BLM: variants seen among roughly 807,000 people sequenced by gnomAD.
The protein encoded by BLM is recQ-like DNA helicase BLM.
A neutral mutation model predicts 135.3 loss-of-function variants in BLM; 95 were observed. The ratio of observed to expected loss-of-function variants is 0.70; its 90% confidence interval spans 0.59 to 0.83. The LOEUF is 0.83. Ranked by LOEUF, BLM falls within the 40% of genes least tolerant of loss-of-function variation. The pLI, the probability that BLM is intolerant of heterozygous loss-of-function variation, is 0.00. For missense variants in BLM, 1,518 were observed against 1,663.9 expected (o/e 0.91, Z 1.53); for synonymous variants, 520 against 589.2 (o/e 0.88, Z 1.70).
chr15:90,808,819 G>A, intron 19 of BLM: 1 of 440,670 alleles, frequency 2.3e-6, no homozygotes, highest in South Asian at 2.1e-5. Flanking sequence ...ACTGGCCATG[G>A]GAACAGTGGG....
intron 15 of BLM, among the ~76,000 whole-genome samples, chr15:90,793,231 G>A (rs1228019917): frequency 1.4e-5 from 2 of 146,318 alleles, no homozygotes; most frequent in South Asian, 4.2e-4. Context: ...CACCTCCTGG[G>A]TTCAAGCGAT....
chr15:90,810,488 C>T (rs540310208), intron 20 of BLM, among the ~76,000 whole-genome samples: 2 of 152,280 alleles, frequency 1.3e-5, no homozygotes, highest in Admixed American at 6.5e-5. Flanking sequence ...GTAGGGTGGC[C>T]TGTAGGACAA....
At chr15:90,798,066 G>C in intron 16 of BLM, 124 bp from the exon 17 acceptor site, 1 of 763,164 alleles carries the variant, frequency 1.3e-6, no homozygotes. Context: ...ATTTCCGTAG[G>C]TTTTGGTCTC....
At chr15:90,718,339 AC>A (rs1444100512) in intron 1 of BLM, among the ~76,000 whole-genome samples, 1 of 152,224 alleles carries the variant, frequency 6.6e-6, no homozygotes, top group Non-Finnish European at 1.5e-5. Flanking sequence ...AGTATGTCCC[AC>A]AACATTAGGC....
rs750687788 is a variant in BLM at position 90,765,392 on chromosome 15, T to C, written c.2171T>C (p.Val724Ala). The C allele has an allele frequency of 5.4e-5, 87 of 1,610,124 alleles. 1 individual carries two copies. The highest frequency in any genetic ancestry group is 6.5e-5 in the Non-Finnish European group (77 of 1,176,592). The change falls in exon 9 of 22, where the codon GTC becomes GCC. Residue 724 changes from valine (V) to alanine (A), a missense_variant. This residue lies in a region of BLM where 626 missense variants were observed against 681.1 expected (regional missense o/e 0.92). Coordinates refer to ENST00000355112, the MANE Select transcript of BLM (RefSeq NM_000057.4). ...TTGAGATCACTTATCGTAGATCAAG[T>C]CCAAAAGCTGACTTCCTTGGATGTA... ...SPLRSLIVDQ[V>A]QKLTSLDIPA...
chr15:90,743,081 G>C (rs183839470), intron 1 of BLM, among the ~76,000 whole-genome samples: 2 of 145,636 alleles, frequency 1.4e-5, no homozygotes, highest in African/African-American at 5.1e-5. Flanking sequence ...CTGCAGCCTC[G>C]AACTCCTGGG....
At chr15:90,786,028 G>A (rs1222100987) in intron 14 of BLM, among the ~76,000 whole-genome samples, 1 of 138,150 alleles carries the variant, frequency 7.2e-6, no homozygotes, top group Non-Finnish European at 1.5e-5. Flanking sequence ...TTTTGAGACA[G>A]GGTCTTACTC....
chr15:90,734,652 TAC>T (rs887111562), intron 1 of BLM, among the ~76,000 whole-genome samples: 18 of 118,170 alleles, frequency 1.5e-4, no homozygotes, highest in African/African-American at 2.2e-4. Flanking sequence ...CACGCACACA[TAC>T]ACACACACGC....
At chr15:90,804,055 C>A in intron 18 of BLM, 112 bp from the exon 19 acceptor site, 1 of 1,027,166 alleles carries the variant, frequency 9.7e-7, no homozygotes, top group Non-Finnish European at 1.5e-6. Flanking sequence ...TCACTATCTG[C>A]ATGACAGAAT....
intron 5 of BLM, among the ~76,000 whole-genome samples, chr15:90,755,917 G>A (rs909856432): frequency 6.6e-6 from 1 of 152,000 alleles, no homozygotes; most frequent in African/African-American, 2.4e-5. Flanking sequence ...ATGCATGTGC[G>A]GGTCATGTGT....
chr15:90,745,546 A>T (rs1376670996), intron 1 of BLM, among the ~76,000 whole-genome samples: 1 of 151,938 alleles, frequency 6.6e-6, no homozygotes, highest in Admixed American at 6.6e-5. Context: ...AGTAGCAGGG[A>T]CCACAGGCCC....
intron 4 of BLM, among the ~76,000 whole-genome samples, chr15:90,753,962 C>T (rs1895752488): frequency 6.6e-6 from 1 of 152,156 alleles, no homozygotes; most frequent in Non-Finnish European, 1.5e-5. Context: ...TAAAAAGTTA[C>T]ACTGTTTTGA....
chr15:90,801,008 G>C (rs948289623), intron 17 of BLM, among the ~76,000 whole-genome samples: 3 of 152,044 alleles, frequency 2.0e-5, no homozygotes, highest in African/African-American at 7.2e-5. Flanking sequence ...AATTAGCCGG[G>C]ACTGATGTTG....
At chr15:90,785,599 A>G (rs921063013) in intron 14 of BLM, among the ~76,000 whole-genome samples, 4 of 149,282 alleles carry the variant, frequency 2.7e-5, no homozygotes, top group African/African-American at 9.9e-5. Context: ...ACTACAGTGC[A>G]GTAGAGAGAT....
intron 14 of BLM, among the ~76,000 whole-genome samples, chr15:90,785,523 T>C (rs1162023847): frequency 1.3e-5 from 2 of 151,376 alleles, no homozygotes; most frequent in Non-Finnish European, 2.9e-5. Flanking sequence ...TCATACAGTA[T>C]GTGGTCTTTG....
intron 1 of BLM, among the ~76,000 whole-genome samples, chr15:90,725,529 T>C (rs1176879064): frequency 2.0e-5 from 3 of 150,650 alleles, no homozygotes; most frequent in African/African-American, 7.3e-5. Context: ...AGTCTCACTC[T>C]GTTGCCCAGG....
chr15:90,804,312 TC>T lies in BLM; in HGVS notation c.3706del (p.His1236IlefsTer43). ...AAATCTCTGGGGAAAGTTTTTGGTG[TC>T]CATTACTTCAATATTTTTAATACCG... Reference protein sequence around the residue: ...VCKSLGKVFGVHYFNIFNTVT... With the variant: ...VCKSLGKVFGXHYFNIFNTVT... On this transcript the variant is annotated frameshift_variant, in exon 19 of 22. Transcript: ENST00000355112. LOFTEE classifies it high-confidence loss of function. The T allele has an allele frequency of 6.2e-7, 1 of 1,614,206 alleles. No individual in the cohort carries two copies. Among genetic ancestry groups the T allele is most frequent in the Non-Finnish European group, 8.5e-7 (1 of 1,180,020 alleles).
rs773198283 is a variant in BLM at position 90,760,168 on chromosome 15, A to C, written c.1109A>C (p.Gln370Pro). The change falls in exon 6 of 22, where the codon CAG (glutamine) becomes CCG (proline). Residue 370 changes from glutamine to proline, a missense_variant. This residue lies in a region of BLM where 724 missense variants were observed against 756.9 expected (regional missense o/e 0.96). Transcript: ENST00000355112. Reference sequence around the variant, plus strand: ...ATAGCTAGACAGATAAGTTTACAGCAGCAGCTTATTCATGTGATGGAGCAC... The same window carrying C: ...ATAGCTAGACAGATAAGTTTACAGCCGCAGCTTATTCATGTGATGGAGCAC... ...DCDARQISLQ[Q>P]QLIHVMEHIC... The C allele has an allele frequency of 1.2e-6, 2 of 1,611,420 alleles. No homozygotes were observed. The highest frequency in any genetic ancestry group is 1.7e-6 in the Non-Finnish European group (2 of 1,177,580).
chr15:90,725,491 A>G (rs548849872), intron 1 of BLM, among the ~76,000 whole-genome samples: 5 of 148,226 alleles, frequency 3.4e-5, no homozygotes, highest in Admixed American at 3.4e-4. Context: ...CCTCTTTTTT[A>G]CAGTCCCTTT....
Sources: gnomAD v4.1 joint callset for allele counts (sites outside exome capture counted in the v4.1 genomes callset) on GRCh38, gnomAD v4.1.1 for gene constraint, gnomAD v4.1.1 regional missense constraint, MANE v1.5 for transcripts, NCBI Gene and HGNC (gene_info 2026-07-23, HGNC 2026-07-21) for gene names.